PARVA: variants seen among roughly 807,000 people sequenced by gnomAD.
PARVA encodes alpha-parvin.
A neutral mutation model predicts 52.6 loss-of-function variants in PARVA; 25 were observed. The ratio of observed to expected loss-of-function variants is 0.48; its 90% CI spans 0.35 to 0.66. The LOEUF is 0.66. Among genes scored for constraint, PARVA ranks in the 30% least tolerant of loss-of-function variants. The probability of loss-of-function intolerance (pLI) is 0.01; values close to 1 mark genes in which losing one functional copy is unlikely to be tolerated. For missense variants in PARVA, 373 were observed against 450.9 expected (o/e 0.83, Z 1.56); for synonymous variants, 185 against 179.1 (o/e 1.03, Z -0.26).
At chr11:12,521,679 G>T (rs753167355) in intron 12 of PARVA, among the ~76,000 whole-genome samples, 5 of 152,146 alleles carry the variant, frequency 3.3e-5, no homozygotes, top group Non-Finnish European at 5.9e-5. Flanking sequence ...ACATTATCTA[G>T]GTGGTCCCAA....
intron 4 of PARVA, among the ~76,000 whole-genome samples, chr11:12,488,305 T>C (rs1393136911): frequency 6.6e-6 from 1 of 152,224 alleles, no homozygotes; most frequent in African/African-American, 2.4e-5. Context: ...AGATAAATCT[T>C]ATTGGTACCT....
chr11:12,427,106 G>A (rs1396623571), intron 1 of PARVA, among the ~76,000 whole-genome samples: 1 of 152,052 alleles, frequency 6.6e-6, no homozygotes, highest in Non-Finnish European at 1.5e-5. Flanking sequence ...GTAAAAATCA[G>A]GCTAATAAGA....
In PARVA at chr11:12,517,329, C is replaced by T. The variant is rs1229659711; in HGVS notation, c.868-281C>T. On this transcript the variant is annotated intron_variant, in intron 10 of 12. Transcript: ENST00000334956. ...CCACCCCCCACCCCCCACCCCCCAC[C>T]ATGCTCTGGTCCCCATGCCTAGACC... 2.1e-5 allele frequency among the ~76,000 whole-genome samples: 3 copies of T among 140,446 alleles called. No homozygotes were observed. In the East Asian group the frequency reaches 7.5e-4, roughly 35 times the overall value. 92.1% of individuals were successfully genotyped at this position (140,446 alleles called of 152,430 possible). A position where few individuals can be genotyped will look rare whatever the true frequency, so the allele number is the denominator to read the frequency against.
In PARVA at chr11:12,534,994, G is replaced by GT. The variant is rs1941817158; in HGVS notation, c.*7070dup. ...ATGATGGACAATAAGATAGTGAGCA[G>GT]TAAGTGTGCTCTAGGCTAGGCTACG... On this transcript the variant is annotated 3_prime_UTR_variant, in exon 13 of 13. Coordinates refer to ENST00000334956, the MANE Select transcript of PARVA (RefSeq NM_018222.5). Among the ~76,000 whole-genome samples the GT allele has an allele frequency of 6.6e-6, 1 of 152,236 alleles. No homozygotes were observed. Among genetic ancestry groups the GT allele is most frequent in the African/African-American group, 2.4e-5 (1 of 41,470 alleles).
At chr11:12,384,956 T>C (rs1939550481) in intron 1 of PARVA, among the ~76,000 whole-genome samples, 1 of 152,114 alleles carries the variant, frequency 6.6e-6, no homozygotes, top group South Asian at 2.1e-4. Flanking sequence ...CACTTCTGTT[T>C]TAACTGATGG....
At chr11:12,465,679 CTT>C (rs901012366) in intron 1 of PARVA, among the ~76,000 whole-genome samples, 4 of 152,280 alleles carry the variant, frequency 2.6e-5, no homozygotes, top group African/African-American at 9.6e-5. Flanking sequence ...TTTCATGTCT[CTT>C]CATGGCTTTA....
chr11:12,391,762 C>T (rs536794833), intron 1 of PARVA, among the ~76,000 whole-genome samples: 1 of 152,330 alleles, frequency 6.6e-6, no homozygotes, highest in Non-Finnish European at 1.5e-5. Context: ...TTCCCAAAGA[C>T]TTCTTATGAG....
intron 3 of PARVA, among the ~76,000 whole-genome samples, chr11:12,476,662 T>C (rs970022357): frequency 5.9e-5 from 9 of 152,140 alleles, no homozygotes; most frequent in Non-Finnish European, 1.3e-4. Context: ...AATCCTTTGG[T>C]TGACCGGTTT....
chr11:12,495,001 T>C (rs553985396), intron 4 of PARVA, among the ~76,000 whole-genome samples: 9 of 152,306 alleles, frequency 5.9e-5, no homozygotes, highest in African/African-American at 2.2e-4. Context: ...TAGAGACAAT[T>C]ACATCATCTG....
At position 12,436,944 on chromosome 11, in the gene PARVA, G is replaced by A. The variant is rs547482491; in HGVS notation, c.137-36801G>A. Among the ~76,000 whole-genome samples the A allele has an allele frequency of 2.3e-4, 35 of 152,244 alleles. No homozygotes were observed. The Middle Eastern group carries it at 0.014, about 59-fold the overall frequency. ...ATGAAAATGAAAGGGAAACTTTTTT[G>A]TGTGTTGAAGTATACATTACATAAA... On this transcript the variant is annotated intron_variant, in intron 1 of 12. Transcript: ENST00000334956.
At chr11:12,462,673 G>C (rs1940799903) in intron 1 of PARVA, among the ~76,000 whole-genome samples, 1 of 152,186 alleles carries the variant, frequency 6.6e-6, no homozygotes, top group Non-Finnish European at 1.5e-5. Context: ...ATGGTATAAA[G>C]ACCTCCGTAG....
intron 1 of PARVA, among the ~76,000 whole-genome samples, chr11:12,403,822 C>T (rs142665344): frequency 3.3e-5 from 5 of 152,306 alleles, no homozygotes; most frequent in East Asian, 3.9e-4. Context: ...GGGGTTGGCA[C>T]CTCTAGTTAC....
intron 1 of PARVA, among the ~76,000 whole-genome samples, chr11:12,421,717 A>T (rs1400447007): frequency 1.5e-4 from 23 of 152,222 alleles, no homozygotes; most frequent in Non-Finnish European, 4.4e-5. Flanking sequence ...AGGGGCCAAG[A>T]ATGGCCTTAA....
At position 12,518,437 on chromosome 11, in the gene PARVA, C is replaced by G. The variant is rs1941597675; in HGVS notation, c.970-8C>G. On this transcript the variant is annotated splice_region_variant and splice_polypyrimidine_tract_variant and intron_variant, in intron 11 of 12. Transcript: ENST00000334956. ...AATGGTACATGCTGTCTGCATCTCT[C>G]TTGCCAGGTCTTGAATGTCTCCTTT... 6.2e-7 allele frequency: 1 copy of G among 1,612,158 alleles called. No individual in the cohort carries two copies. Among genetic ancestry groups the G allele is most frequent in the Non-Finnish European group, 8.5e-7 (1 of 1,178,622 alleles).
intron 3 of PARVA, among the ~76,000 whole-genome samples, chr11:12,474,787 C>G (rs1236212948): frequency 2.0e-5 from 3 of 150,544 alleles, no homozygotes; most frequent in Non-Finnish European, 4.4e-5. Context: ...TGACTGTAAT[C>G]CCAGACCATC....
At chr11:12,429,723 T>C (rs576958355) in intron 1 of PARVA, among the ~76,000 whole-genome samples, 16 of 152,238 alleles carry the variant, frequency 1.1e-4, no homozygotes, top group Non-Finnish European at 2.1e-4. Flanking sequence ...TTAACCCATT[T>C]ATGCCGGTGG....
chr11:12,397,403 A>G (rs540851712), intron 1 of PARVA, among the ~76,000 whole-genome samples: 3 of 152,226 alleles, frequency 2.0e-5, no homozygotes, highest in Non-Finnish European at 4.4e-5. Flanking sequence ...ACAATGCTGC[A>G]TTAAACATGC....
At chr11:12,513,735 A>C (rs932705731) in intron 9 of PARVA, 3 of 590,716 alleles carry the variant, frequency 5.1e-6, no homozygotes, top group Non-Finnish European at 9.1e-6. Flanking sequence ...ACTGGCTCAG[A>C]CACTCCACCT....
intron 7 of PARVA, among the ~76,000 whole-genome samples, chr11:12,509,082 T>G (rs7106803): frequency 0.17 from 20,714 of 124,414 alleles, 1,605 homozygotes; most frequent in African/African-American, 0.27. Flanking sequence ...GTGGTTTTTT[T>G]TTTTTTTTTT....
Sources: gnomAD v4.1 joint callset for allele counts (sites outside exome capture counted in the v4.1 genomes callset) on GRCh38, gnomAD v4.1.1 for gene constraint, MANE v1.5 for transcripts, NCBI Gene and HGNC (gene_info 2026-07-23, HGNC 2026-07-21) for gene names.